Variants in HOXD8 observed in about 807,000 individuals in gnomAD.
The protein encoded by HOXD8 is homeobox D8.
A neutral mutation model predicts 25.4 loss-of-function variants in HOXD8; 17 were observed. The ratio of observed to expected loss-of-function variants is 0.67; its 90% CI spans 0.46 to 1.00. The LOEUF (loss-of-function observed/expected upper bound fraction) is 1.00, where lower values mean the gene tolerates loss of function less well. HOXD8 is among the 50% of genes least tolerant of loss of function. The pLI is 0.00. For synonymous variants in HOXD8, 203 were observed against 175.3 expected, an observed-to-expected ratio of 1.16 and a Z score of -1.25; for missense variants, 511 against 398.5, an observed-to-expected ratio of 1.28 and a Z score of -2.40.
In HOXD8 at chr2:176,131,546, G is replaced by A. The variant is rs371256205; in HGVS notation, c.807G>A (p.Lys269=). Residue 269 remains lysine, a synonymous_variant, in exon 2 of 2, where the codon AAG becomes AAA. Coordinates refer to ENST00000313173, the MANE Select transcript of HOXD8 (RefSeq NM_019558.4). ...DKFPVSRQEV[K]DGETKKEAQE... ...TTCCCGTTTCCCGGCAGGAGGTGAA[G>A]GACGGGGAAACGAAAAAGGAAGCCC... 1 of 1,613,072 alleles carries A rather than the reference G, an allele frequency of 6.2e-7. No individual in the cohort carries two copies. Among genetic ancestry groups the A allele is most frequent in the Non-Finnish European group, 8.5e-7 (1 of 1,179,646 alleles).
chr2:176,130,560 C>CCCCGCAGGCGCACGCGCA lies in HOXD8; in HGVS notation c.201_218dup (p.Gln67_Pro72dup). The CCCCGCAGGCGCACGCGCA allele has an allele frequency of 6.8e-7, 1 of 1,463,546 alleles. No individual in the cohort carries two copies. Among genetic ancestry groups the CCCCGCAGGCGCACGCGCA allele is most frequent in the Non-Finnish European group, 8.9e-7 (1 of 1,118,028 alleles). The allele number at this position is 1,463,546 out of a possible 1,614,324, so 90.7% of individuals were successfully genotyped here. ...AGCGCCGCCGGCTTCCCGCACGCGCCCCCGCAGGCGCACGCGCACCCGCAC... is the reference window on the plus strand; with the variant it reads ...AGCGCCGCCGGCTTCCCGCACGCGCCCCCGCAGGCGCACGCGCACCCGCAGGCGCACGCGCACCCGCAC... On this transcript the variant is annotated inframe_insertion, in exon 1 of 2. Transcript: ENST00000313173.
chr2:176,131,128 G>T (rs2105406527), intron 1 of HOXD8, among the ~76,000 whole-genome samples, 185 bp downstream of exon 1: 1 of 152,034 alleles, frequency 6.6e-6, no homozygotes, highest in Admixed American at 6.5e-5. Context: ...AGATGATGGG[G>T]ACAGAATAAT....
At position 176,130,225 on chromosome 2, in the gene HOXD8, G is replaced by A. The variant is rs1168950199; in HGVS notation, c.-142G>A. 1.6e-5 allele frequency: 6 copies of A among 377,060 alleles called. 1 individual carries two copies. Among genetic ancestry groups the A allele is most frequent in the Middle Eastern group, 1.5e-3 (2 of 1,314 alleles). 23.4% of individuals were successfully genotyped at this position (377,060 alleles called of 1,614,324 possible). A position where few individuals can be genotyped will look rare whatever the true frequency, so the allele number is the denominator to read the frequency against. ...AAGCGACGCGCGAGCGCGGGCGGGCGGCAGCAGCGACGTAGCCCGGCGGTC... is the reference window on the plus strand; with the variant it reads ...AAGCGACGCGCGAGCGCGGGCGGGCAGCAGCAGCGACGTAGCCCGGCGGTC... On this transcript the variant is annotated 5_prime_UTR_variant, in exon 1 of 2. Coordinates refer to ENST00000313173, the MANE Select transcript of HOXD8 (RefSeq NM_019558.4).
At position 176,131,514 on chromosome 2, in the gene HOXD8, G is replaced by A. The variant is rs1690113626; in HGVS notation, c.775G>A (p.Asp259Asn). 1.9e-6 allele frequency: 3 copies of A among 1,613,712 alleles called. No individual in the cohort carries two copies. In the South Asian group the frequency reaches 3.3e-5, roughly 18 times the overall value. Residue 259 changes from aspartate to asparagine, a missense_variant, in exon 2 of 2, where the codon GAC becomes AAC. Transcript: ENST00000313173. Reference protein sequence around the residue: ...RMKWKKENNKDKFPVSRQEVK... With the variant: ...RMKWKKENNKNKFPVSRQEVK... ...GAAATGGAAAAAGGAAAACAACAAGGACAAATTTCCCGTTTCCCGGCAGGA... is the reference window on the plus strand; with the variant it reads ...GAAATGGAAAAAGGAAAACAACAAGAACAAATTTCCCGTTTCCCGGCAGGA...
chr2:176,131,819 C>A lies in HOXD8; in HGVS notation c.*207C>A. 1 of 477,874 alleles carries A rather than the reference C, an allele frequency of 2.1e-6. No homozygotes were observed. The highest frequency in any genetic ancestry group is 2.0e-5 in the African/African-American group (1 of 50,418). 29.6% of individuals were successfully genotyped at this position (477,874 alleles called of 1,614,324 possible). ...ACATAGAAGCTGTCCTTGAGCTGTCCTATGGAAGGGTAATTTGATACTGAC... is the reference window on the plus strand; with the variant it reads ...ACATAGAAGCTGTCCTTGAGCTGTCATATGGAAGGGTAATTTGATACTGAC... On this transcript the variant is annotated 3_prime_UTR_variant, in exon 2 of 2. Transcript: ENST00000313173.
Position 176,130,433 on chromosome 2 carries a change from GC to G in HOXD8, c.68del (p.Ala23GlyfsTer154). On this transcript the variant is annotated frameshift_variant, in exon 1 of 2. Transcript: ENST00000313173. LOFTEE classifies it high-confidence loss of function. ...YKAAAAAAAA[A>X]GEAINPTYYD... Reference sequence around the variant, plus strand: ...GGCGGCGGCTGCGGCGGCGGCGGCGGCGGGCGAGGCCATCAATCCCACTTAC... The same window carrying G: ...GGCGGCGGCTGCGGCGGCGGCGGCGGGGGCGAGGCCATCAATCCCACTTAC... 6.7e-7 allele frequency: 1 copy of G among 1,489,872 alleles called. No homozygotes were observed. The highest frequency in any genetic ancestry group is 2.3e-5 in the Admixed American group (1 of 44,058). 92.3% of individuals were successfully genotyped at this position (1,489,872 alleles called of 1,614,324 possible).
At chr2:176,131,205 G>T (rs541354334) in intron 1 of HOXD8, 112 bp from the exon 2 acceptor site, 24 of 933,892 alleles carry the variant, frequency 2.6e-5, no homozygotes, top group East Asian at 2.2e-4. Flanking sequence ...AAAGAGCTCT[G>T]TGTATATTTC....
At position 176,130,674 on chromosome 2, in the gene HOXD8, C is replaced by T; in HGVS notation, c.308C>T (p.Ala103Val). Residue 103 changes from alanine (A) to valine (V), a missense_variant, in exon 1 of 2, where the codon GCT (alanine) becomes GTT (valine). Coordinates refer to ENST00000313173, the MANE Select transcript of HOXD8 (RefSeq NM_019558.4). ...YFHPGGGSPA[A>V]AYQAAPPPPP... ...CACCCCGGCGGGGGCAGCCCGGCCG[C>T]TGCCTACCAGGCCGCCCCCCCTCCT... 1 of 1,562,426 alleles carries T rather than the reference C, an allele frequency of 6.4e-7. No homozygotes were observed. Among genetic ancestry groups the T allele is most frequent in the Non-Finnish European group, 8.6e-7 (1 of 1,156,428 alleles).
rs1455022395 is a variant in HOXD8, at chr2:176,130,242, C to G, written c.-125C>G. ...GGGCGGGCGGCAGCAGCGACGTAGCCCGGCGGTCCCGGCGGCGAGAGCAGC... is the reference window on the plus strand; with the variant it reads ...GGGCGGGCGGCAGCAGCGACGTAGCGCGGCGGTCCCGGCGGCGAGAGCAGC... On this transcript the variant is annotated 5_prime_UTR_variant, in exon 1 of 2. Coordinates refer to ENST00000313173, the MANE Select transcript of HOXD8 (RefSeq NM_019558.4). The G allele has an allele frequency of 4.3e-6, 2 of 461,122 alleles. No homozygotes were observed. Among genetic ancestry groups the G allele is most frequent in the East Asian group, 4.3e-5 (1 of 23,522 alleles). The allele number at this position is 461,122 out of a possible 1,614,324, so 28.6% of individuals were successfully genotyped here.
chr2:176,131,302 T>C lies in HOXD8; in HGVS notation c.578-15T>C. On this transcript the variant is annotated splice_polypyrimidine_tract_variant and intron_variant, in intron 1 of 1. Coordinates refer to ENST00000313173, the MANE Select transcript of HOXD8 (RefSeq NM_019558.4). ...AAACTTTTATTCCCCCCCCCTTTTT[T>C]TTTGTTTTAATCAGCAGCTCCTGGT... The C allele has an allele frequency of 4.5e-6, 7 of 1,562,296 alleles. No individual in the cohort carries two copies. Among genetic ancestry groups the C allele is most frequent in the East Asian group, 2.3e-5 (1 of 44,178 alleles).
Position 176,131,365 on chromosome 2 carries a change from C to T in HOXD8, c.626C>T (p.Thr209Ile), listed in dbSNP as rs781225320. Residue 209 changes from threonine to isoleucine, a missense_variant, in exon 2 of 2, where the codon ACT becomes ATT. Thr to Ile is a moderately conservative substitution (Grantham distance 89, BLOSUM62 -1). Transcript: ENST00000313173. The part of the protein sequence containing the change: ...RGRQTYSRFQ[T>I]LELEKEFLFN... ...AGACAAACCTACAGTCGCTTCCAAA[C>T]TCTAGAGTTGGAAAAGGAATTTCTT... 1.3e-6 allele frequency: 2 copies of T among 1,569,732 alleles called. No homozygotes were observed. Among genetic ancestry groups the T allele is most frequent in the Non-Finnish European group, 8.6e-7 (1 of 1,156,974 alleles).
rs143950622 is a variant in HOXD8, at chr2:176,131,515, A to G, written c.776A>G (p.Asp259Gly). 1 of 1,614,028 alleles carries G rather than the reference A, an allele frequency of 6.2e-7. No individual in the cohort carries two copies. The highest frequency in any genetic ancestry group is 8.5e-7 in the Non-Finnish European group (1 of 1,179,936). Residue 259 changes from aspartate (D) to glycine (G), a missense_variant, in exon 2 of 2, where the codon GAC (aspartate) becomes GGC (glycine). Transcript: ENST00000313173. ...AAATGGAAAAAGGAAAACAACAAGGACAAATTTCCCGTTTCCCGGCAGGAG... is the reference window on the plus strand; with the variant it reads ...AAATGGAAAAAGGAAAACAACAAGGGCAAATTTCCCGTTTCCCGGCAGGAG... ...RMKWKKENNK[D>G]KFPVSRQEVK...
In HOXD8 at chr2:176,130,724, C is replaced by A. The variant is rs376804387; in HGVS notation, c.358C>A (p.Pro120Thr). 4 of 1,607,222 alleles carry A rather than the reference C, an allele frequency of 2.5e-6. No homozygotes were observed. In the South Asian group the frequency reaches 3.3e-5, roughly 13 times the overall value. Residue 120 changes from proline to threonine, a missense_variant, in exon 1 of 2, where the codon CCA (proline) becomes ACA (threonine). Pro to Thr is a conservative substitution (Grantham distance 38). Transcript: ENST00000313173. Reference sequence around the variant, plus strand: ...TCCTCCGCATCCTCCGCCTCCGCCGCCACCTCCCCCCTGCGGCGGGATTGC... The same window carrying A: ...TCCTCCGCATCCTCCGCCTCCGCCGACACCTCCCCCCTGCGGCGGGATTGC... ...PPPPHPPPPP[P>T]PPPCGGIACH...
At position 176,130,491 on chromosome 2, in the gene HOXD8, G is replaced by A; in HGVS notation, c.125G>A (p.Gly42Asp). The A allele has an allele frequency of 2.0e-6, 3 of 1,490,960 alleles. No individual in the cohort carries two copies. Among genetic ancestry groups the A allele is most frequent in the Non-Finnish European group, 2.7e-6 (3 of 1,127,094 alleles). The allele number at this position is 1,490,960 out of a possible 1,614,324, so 92.4% of individuals were successfully genotyped here. A position where few individuals can be genotyped will look rare whatever the true frequency, so the allele number is the denominator to read the frequency against. ...YDCHFAPEVG[G>D]RHAAAAAALQ... ...TGTCACTTCGCGCCCGAGGTCGGCG[G>A]CCGTCACGCCGCCGCCGCAGCAGCC... Residue 42 changes from glycine (G) to aspartate (D), a missense_variant, in exon 1 of 2, where the codon GGC becomes GAC. Coordinates refer to ENST00000313173, the MANE Select transcript of HOXD8 (RefSeq NM_019558.4).
intron 1 of HOXD8, 33 bp downstream of exon 1, chr2:176,130,976 G>T (rs1361076233): frequency 7.2e-6 from 10 of 1,386,688 alleles, no homozygotes; most frequent in Non-Finnish European, 6.9e-6. Flanking sequence ...AGAAGGGAGA[G>T]GGGGAGAAAT....
rs1351225374 is a variant in HOXD8, at chr2:176,131,456, A to G, written c.717A>G (p.Arg239=). ...EVSHALALTE[R]QVKIWFQNRR... is the part of the protein sequence containing the mutation. ...CCCACGCCCTAGCCCTCACCGAGAG[A>G]CAGGTAAAAATCTGGTTCCAGAACA... Residue 239 remains arginine, a synonymous_variant, in exon 2 of 2, where the codon AGA becomes AGG. Transcript: ENST00000313173. The G allele has an allele frequency of 1.2e-6, 2 of 1,613,932 alleles. No homozygotes were observed. The highest frequency in any genetic ancestry group is 1.7e-5 in the Admixed American group (1 of 59,996).
chr2:176,130,376 T>C lies in HOXD8; in HGVS notation c.10T>C (p.Tyr4His). Residue 4 changes from tyrosine (Y) to histidine (H), a missense_variant, in exon 1 of 2, where the codon TAC becomes CAC. By Grantham distance (83) the Tyr-to-His change is moderately conservative. Transcript: ENST00000313173. MSS[Y>H]FVNPLYSKYK... ...CGCCGCTGACGCCCCAATGAGTTCG[T>C]ACTTCGTGAACCCGCTGTACTCCAA... is the stretch of plus-strand genomic sequence containing the variant. 6.9e-7 allele frequency: 1 copy of C among 1,449,122 alleles called. No individual in the cohort carries two copies. Among genetic ancestry groups the C allele is most frequent in the Non-Finnish European group, 9.0e-7 (1 of 1,112,954 alleles). 89.8% of individuals were successfully genotyped at this position (1,449,122 alleles called of 1,614,324 possible). A position where few individuals can be genotyped will look rare whatever the true frequency, so the allele number is the denominator to read the frequency against.
intron 1 of HOXD8, 28 bp from the exon 2 acceptor site, chr2:176,131,289 C>A (rs780179309): frequency 2.4e-5 from 37 of 1,546,802 alleles, no homozygotes; most frequent in Non-Finnish European, 3.0e-5. Flanking sequence ...ACTTTTATTC[C>A]CCCCCCCTTT....
rs1690054758 is a variant in HOXD8, at chr2:176,130,250, C to T, written c.-117C>T. The T allele has an allele frequency of 1.9e-6, 1 of 520,090 alleles. No individual in the cohort carries two copies. The allele number at this position is 520,090 out of a possible 1,614,324, so 32.2% of individuals were successfully genotyped here. ...GGCAGCAGCGACGTAGCCCGGCGGTCCCGGCGGCGAGAGCAGCCGCCCCAC... is the reference window on the plus strand; with the variant it reads ...GGCAGCAGCGACGTAGCCCGGCGGTTCCGGCGGCGAGAGCAGCCGCCCCAC... On this transcript the variant is annotated 5_prime_UTR_variant, in exon 1 of 2. Transcript: ENST00000313173.
Sources: gnomAD v4.1 joint callset for allele counts (sites outside exome capture counted in the v4.1 genomes callset) on GRCh38, gnomAD v4.1.1 for gene constraint, MANE v1.5 for transcripts, NCBI Gene and HGNC (gene_info 2026-07-23, HGNC 2026-07-21) for gene names.